Variants in GRM5 observed in about 807,000 individuals in gnomAD.
GRM5 encodes the protein glutamate metabotropic receptor 5, also known as metabotropic glutamate receptor 5.
A neutral mutation model predicts 83.1 loss-of-function variants in GRM5; 19 were observed. That is an observed-to-expected ratio of 0.23 (90% CI 0.16 to 0.34). The LOEUF (loss-of-function observed/expected upper bound fraction) is 0.34. Ranked by LOEUF, GRM5 falls within the 10% of genes least tolerant of loss-of-function variation. The pLI, the probability that GRM5 is intolerant of heterozygous loss-of-function variation, is 1.00. For missense variants in GRM5, 1,160 were observed against 1,588.3 expected, an observed-to-expected ratio of 0.73 and a Z score of 4.58; for synonymous variants, 675 against 633.6, an observed-to-expected ratio of 1.07 and a Z score of -0.98.
At chr11:88,931,655 GTTA>G (rs1366890760) in intron 2 of GRM5, among the ~76,000 whole-genome samples, 2 of 152,060 alleles carry the variant, frequency 1.3e-5, no homozygotes, top group Admixed American at 6.6e-5. Context: ...AAATACAGTT[GTTA>G]TTGTTGTTGT....
chr11:88,618,640 G>A (rs1261977985), intron 4 of GRM5, among the ~76,000 whole-genome samples: 3 of 152,064 alleles, frequency 2.0e-5, no homozygotes, highest in Admixed American at 6.6e-5. Flanking sequence ...ATAAGTATGG[G>A]CTCAGTGGTA....
intron 3 of GRM5, among the ~76,000 whole-genome samples, chr11:88,664,825 A>G (rs1939999196): frequency 6.6e-6 from 1 of 152,188 alleles, no homozygotes. Flanking sequence ...TGTATATACT[A>G]TATGATAATG....
At chr11:89,007,255 T>TCC (rs1940556314) in intron 2 of GRM5, among the ~76,000 whole-genome samples, 2 of 152,192 alleles carry the variant, frequency 1.3e-5, no homozygotes, top group Admixed American at 1.3e-4. Context: ...TTTGCATCCT[T>TCC]CCAACCAGAC....
At chr11:88,763,765 A>G (rs1281769524) in intron 3 of GRM5, among the ~76,000 whole-genome samples, 1 of 151,848 alleles carries the variant, frequency 6.6e-6, no homozygotes, top group Non-Finnish European at 1.5e-5. Context: ...GTATCTACAA[A>G]AATAAAATTT....
At chr11:88,915,017 T>A (rs959690013) in intron 2 of GRM5, among the ~76,000 whole-genome samples, 1 of 152,180 alleles carries the variant, frequency 6.6e-6, no homozygotes, top group African/African-American at 2.4e-5. Context: ...AGATTTTTAA[T>A]GGTTTTGTTA....
chr11:88,998,022 A>T (rs977083241), intron 2 of GRM5, among the ~76,000 whole-genome samples: 3 of 152,022 alleles, frequency 2.0e-5, no homozygotes, highest in African/African-American at 7.2e-5. Context: ...ATAACAAAAA[A>T]AAATGAGAGG....
In GRM5 at chr11:88,668,295, T is replaced by TCACACACA. The variant is rs201662394; in HGVS notation, c.912-14893_912-14892insTGTGTGTG. ...GTTTATTTAAAACATCCCCAGAAAC[T>TCACACACA]CGCACACACACACACACACACACAC... On this transcript the variant is annotated intron_variant, in intron 3 of 9. Coordinates refer to ENST00000305447, the MANE Select transcript of GRM5 (RefSeq NM_001143831.3). 2.0e-3 allele frequency among the ~76,000 whole-genome samples: 160 copies of TCACACACA among 81,748 alleles called. 2 individuals are homozygous for TCACACACA. Among genetic ancestry groups the TCACACACA allele is most frequent in the Non-Finnish European group, 2.2e-3 (98 of 44,798 alleles). The allele number at this position is 81,748 out of a possible 152,430, so 53.6% of individuals were successfully genotyped here.
At chr11:88,876,915 C>G (rs1939087) in intron 2 of GRM5, among the ~76,000 whole-genome samples, 67,455 of 151,874 alleles carry the variant, frequency 0.44, 15,310 homozygotes, top group East Asian at 0.57. Flanking sequence ...TTATTTGTGA[C>G]AGCATGGATG....
intron 2 of GRM5, among the ~76,000 whole-genome samples, chr11:89,029,344 T>C (rs1591061956): frequency 6.6e-6 from 1 of 152,204 alleles, no homozygotes; most frequent in Non-Finnish European, 1.5e-5. Flanking sequence ...TTCAATATAA[T>C]AGGAAATAAG....
chr11:88,782,566 C>A (rs1447259398), intron 3 of GRM5, among the ~76,000 whole-genome samples: 1 of 152,132 alleles, frequency 6.6e-6, no homozygotes, highest in Non-Finnish European at 1.5e-5. Flanking sequence ...CAAACCATAT[C>A]AATGGGTAAC....
chr11:88,621,071 C>T (rs1322378895), intron 4 of GRM5, among the ~76,000 whole-genome samples: 1 of 152,140 alleles, frequency 6.6e-6, no homozygotes, highest in Admixed American at 6.5e-5. Context: ...ATTCACATTA[C>T]AGTATTTTGC....
intron 2 of GRM5, among the ~76,000 whole-genome samples, chr11:88,938,763 T>A (rs991952531): frequency 6.6e-6 from 1 of 151,732 alleles, no homozygotes; most frequent in African/African-American, 2.4e-5. Flanking sequence ...TGTCTTTTTT[T>A]AACGAATATT....
intron 7 of GRM5, among the ~76,000 whole-genome samples, chr11:88,570,571 A>ATATTTTTTTTTTTT (rs1405339448): frequency 2.2e-5 from 1 of 46,376 alleles, no homozygotes; most frequent in African/African-American, 1.3e-4. Context: ...ATATATATAT[A>ATATTTTTTTTTTTT]TTTTTTTTTT....
intron 3 of GRM5, among the ~76,000 whole-genome samples, chr11:88,843,897 A>T (rs1265228523): frequency 6.6e-6 from 1 of 152,216 alleles, no homozygotes; most frequent in African/African-American, 2.4e-5. Context: ...TTAATCCTAT[A>T]AAGGCTGAGA....
At chr11:88,815,963 C>T (rs933956186) in intron 3 of GRM5, among the ~76,000 whole-genome samples, 6 of 151,454 alleles carry the variant, frequency 4.0e-5, no homozygotes, top group Admixed American at 1.3e-4. Flanking sequence ...CCTGTAATCC[C>T]AGCACTTTGG....
At chr11:88,773,533 A>G (rs1034933608) in intron 3 of GRM5, among the ~76,000 whole-genome samples, 1 of 152,164 alleles carries the variant, frequency 6.6e-6, no homozygotes, top group Non-Finnish European at 1.5e-5. Flanking sequence ...GCCCATGCCT[A>G]TGTCCTGAAT....
At chr11:88,606,267 A>C (rs2135233827) in intron 4 of GRM5, among the ~76,000 whole-genome samples, 1 of 152,352 alleles carries the variant, frequency 6.6e-6, no homozygotes, top group South Asian at 2.1e-4. Context: ...TCACGCCTGT[A>C]ATCCCAACAC....
At chr11:88,636,951 G>A (rs144448163) in intron 4 of GRM5, among the ~76,000 whole-genome samples, 4,168 of 152,220 alleles carry the variant, frequency 0.027, 186 homozygotes, top group African/African-American at 0.095. Flanking sequence ...TTTGGTTACC[G>A]TAGCCTTGTA....
At chr11:88,526,443 T>C (rs1451685767) in intron 8 of GRM5, among the ~76,000 whole-genome samples, 1 of 152,172 alleles carries the variant, frequency 6.6e-6, no homozygotes, top group Non-Finnish European at 1.5e-5. Flanking sequence ...ACAAGCCTCA[T>C]CAGTAGAGAA....
Sources: gnomAD v4.1 joint callset for allele counts (sites outside exome capture counted in the v4.1 genomes callset) on GRCh38, gnomAD v4.1.1 for gene constraint, MANE v1.5 for transcripts, NCBI Gene and HGNC (gene_info 2026-07-23, HGNC 2026-07-21) for gene names.